The following WWOX variants were observed in gnomAD, a reference collection of about 807,000 sequenced individuals.
The protein encoded by WWOX is WW domain-containing oxidoreductase.
A neutral mutation model predicts 46.2 loss-of-function variants in WWOX; 69 were observed. The observed-to-expected ratio is 1.49, with a 90% CI of 1.23 to 1.82. The LOEUF (loss-of-function observed/expected upper bound fraction) is 1.82, where lower values mean the gene tolerates loss of function less well. WWOX is among the 40% of genes most tolerant of loss of function. The pLI is 0.00. For missense variants in WWOX, 919 were observed against 542.6 expected, an observed-to-expected ratio of 1.69 and a Z score of -6.89; for synonymous variants, 359 against 202.6, an observed-to-expected ratio of 1.77 and a Z score of -6.56.
At chr16:78,863,071 G>C (rs779672145) in intron 8 of WWOX, among the ~76,000 whole-genome samples, 1 of 150,110 alleles carries the variant, frequency 6.7e-6, no homozygotes. Context: ...CGATTCTCCT[G>C]CCTCAGCCTC....
intron 8 of WWOX, among the ~76,000 whole-genome samples, chr16:78,941,272 G>A (rs1254994399): frequency 3.9e-5 from 6 of 152,064 alleles, no homozygotes; most frequent in South Asian, 4.2e-4. Context: ...GATTGGGCCC[G>A]TGCTATAATT....
At chr16:78,460,419 T>G (rs1567586299) in intron 8 of WWOX, among the ~76,000 whole-genome samples, 1 of 152,222 alleles carries the variant, frequency 6.6e-6, no homozygotes, top group Non-Finnish European at 1.5e-5. Flanking sequence ...ATACTTTCCT[T>G]AGTTGTTTTC....
intron 8 of WWOX, among the ~76,000 whole-genome samples, chr16:78,783,891 TGATGGTGATGAC>T (rs1382702387): frequency 6.6e-6 from 1 of 150,594 alleles, no homozygotes; most frequent in East Asian, 2.0e-4. Flanking sequence ...ATAATGGTGA[TGATGGTGATGAC>T]GATGGTGATG....
At chr16:78,219,909 A>G (rs917993221) in intron 5 of WWOX, among the ~76,000 whole-genome samples, 3 of 152,146 alleles carry the variant, frequency 2.0e-5, no homozygotes, top group African/African-American at 7.2e-5. Context: ...CTTACCAAAC[A>G]TTGTACGTTT....
At chr16:78,607,877 A>G (rs770367987) in intron 8 of WWOX, among the ~76,000 whole-genome samples, 3 of 152,182 alleles carry the variant, frequency 2.0e-5, no homozygotes, top group Admixed American at 6.5e-5. Flanking sequence ...TTAGGGTACA[A>G]GAGCTTGTCG....
At chr16:78,180,451 G>A (rs1169261004) in intron 5 of WWOX, among the ~76,000 whole-genome samples, 1 of 152,092 alleles carries the variant, frequency 6.6e-6, no homozygotes, top group Non-Finnish European at 1.5e-5. Context: ...GTTAGGGCTA[G>A]TGCGTAAACC....
intron 8 of WWOX, among the ~76,000 whole-genome samples, chr16:78,817,341 A>T (rs1293455835): frequency 6.6e-6 from 1 of 152,070 alleles, no homozygotes; most frequent in Non-Finnish European, 1.5e-5. Context: ...TTAATTTTAG[A>T]AGAAACCAGA....
At chr16:78,919,591 C>T (rs547304922) in intron 8 of WWOX, among the ~76,000 whole-genome samples, 2 of 147,714 alleles carry the variant, frequency 1.4e-5, no homozygotes, top group African/African-American at 2.5e-5. Flanking sequence ...GATCTCAGCT[C>T]ACTACAACCT....
intron 8 of WWOX, among the ~76,000 whole-genome samples, chr16:78,556,289 C>T (rs1055280162): frequency 9.3e-5 from 14 of 149,808 alleles, no homozygotes; most frequent in African/African-American, 4.9e-5. Context: ...AAAAATCCAA[C>T]ACAGAGACAT....
At position 78,635,158 on chromosome 16, in the gene WWOX, C is replaced by G. The variant is rs1306483848; in HGVS notation, c.1056+202406C>G. Reference sequence around the variant, plus strand: ...AATGCCAAAACTGTACCTCTTGCCACTCAACATCTGCAGTCAAAGGCTTCC... The same window carrying G: ...AATGCCAAAACTGTACCTCTTGCCAGTCAACATCTGCAGTCAAAGGCTTCC... On this transcript the variant is annotated intron_variant, in intron 8 of 8. Transcript: ENST00000566780. 3.3e-5 allele frequency among the ~76,000 whole-genome samples: 5 copies of G among 152,168 alleles called. No individual in the cohort carries two copies. The East Asian group carries it at 7.7e-4, about 23-fold the overall frequency.
At chr16:78,712,566 G>A (rs1016988753) in intron 8 of WWOX, among the ~76,000 whole-genome samples, 27 of 152,100 alleles carry the variant, frequency 1.8e-4, no homozygotes, top group African/African-American at 6.5e-4. Flanking sequence ...GATGGATTGT[G>A]TGATGCTCAT....
At chr16:78,784,950 G>A (rs769881416) in intron 8 of WWOX, among the ~76,000 whole-genome samples, 12 of 152,126 alleles carry the variant, frequency 7.9e-5, no homozygotes, top group Non-Finnish European at 1.3e-4. Context: ...TGTCCCTTTT[G>A]CAGTTGTTCA....
At chr16:78,161,329 T>C (rs1040628596) in intron 4 of WWOX, among the ~76,000 whole-genome samples, 1 of 152,204 alleles carries the variant, frequency 6.6e-6, no homozygotes, top group East Asian at 1.9e-4. Flanking sequence ...ACCACCTTAT[T>C]ATTGGCTTCC....
chr16:78,159,472 A>G (rs995927920), intron 4 of WWOX, among the ~76,000 whole-genome samples: 5 of 152,064 alleles, frequency 3.3e-5, no homozygotes, highest in Non-Finnish European at 7.4e-5. Context: ...TCTTGTTTCC[A>G]CACCCTGAAC....
chr16:78,206,388 A>G (rs2036397225), intron 5 of WWOX, among the ~76,000 whole-genome samples: 1 of 152,192 alleles, frequency 6.6e-6, no homozygotes, highest in Non-Finnish European at 1.5e-5. Flanking sequence ...GAAGGAAAAA[A>G]AAGGTAAAGG....
chr16:78,783,355 G>T (rs575003330), intron 8 of WWOX, among the ~76,000 whole-genome samples: 6 of 152,324 alleles, frequency 3.9e-5, no homozygotes, highest in South Asian at 4.1e-4. Context: ...TGATGGAGAG[G>T]GCCTACAGGG....
At position 78,156,388 on chromosome 16, in the gene WWOX, C is replaced by T. The variant is rs1004874654; in HGVS notation, c.410-7795C>T. Among the ~76,000 whole-genome samples, 13 of 152,250 alleles carry T rather than the reference C, an allele frequency of 8.5e-5. 1 individual carries two copies. The highest frequency in any genetic ancestry group is 3.4e-3 in the Middle Eastern group (1 of 294). On this transcript the variant is annotated intron_variant, in intron 4 of 8. Transcript: ENST00000566780. ...TAGCATCATTCAAAACTACAGTGAG[C>T]AGTATCTTTGCAGGATTTTAATATT...
intron 8 of WWOX, among the ~76,000 whole-genome samples, chr16:79,052,135 C>G (rs9921173): frequency 0.022 from 3,276 of 151,758 alleles, 115 homozygotes; most frequent in African/African-American, 0.07. Flanking sequence ...GTGCGCTGCA[C>G]CCACTAACTC....
In WWOX at chr16:78,229,462, T is replaced by TTCTC. The variant is rs1368021202; in HGVS notation, c.516+65174_516+65175insCTCT. Among the ~76,000 whole-genome samples the TTCTC allele has an allele frequency of 1.3e-4, 5 of 39,680 alleles. 1 individual carries two copies. The East Asian group carries it at 3.1e-3, about 25-fold the overall frequency. The allele number at this position is 39,680 out of a possible 152,430, so 26.0% of individuals were successfully genotyped here. A position where few individuals can be genotyped will look rare whatever the true frequency, so the allele number is the denominator to read the frequency against. ...TTTAGACATTTAGATTTTTTCTGTT[T>TTCTC]TATCTCTCTCTATATGTATATCTGT... is the stretch of plus-strand genomic sequence containing the variant. On this transcript the variant is annotated intron_variant, in intron 5 of 8. Transcript: ENST00000566780.
Sources: gnomAD v4.1 joint callset for allele counts (sites outside exome capture counted in the v4.1 genomes callset) on GRCh38, gnomAD v4.1.1 for gene constraint, MANE v1.5 for transcripts, NCBI Gene and HGNC (gene_info 2026-07-23, HGNC 2026-07-21) for gene names.